The following VPS13B variants were observed in gnomAD, a reference collection of about 807,000 sequenced individuals.
The protein encoded by VPS13B is vacuolar protein sorting 13 homolog B.
VPS13B carries 285 observed loss-of-function variants against 426.4 expected under a neutral mutation model. The ratio of observed to expected loss-of-function variants is 0.67; its 90% CI spans 0.61 to 0.74. VPS13B has a LOEUF of 0.74. Ranked by LOEUF, VPS13B falls within the 30% of genes least tolerant of loss-of-function variation. The pLI, the probability that VPS13B is intolerant of heterozygous loss-of-function variation, is 0.00. For missense variants in VPS13B, 4,537 were observed against 4,782.6 expected (o/e 0.95, Z 1.51); for synonymous variants, 1,676 against 1,676.4 (o/e 1.00, Z 0.01).
chr8:99,491,679 A>AC (rs1347159736), intron 25 of VPS13B, among the ~76,000 whole-genome samples: 1 of 152,080 alleles, frequency 6.6e-6, no homozygotes, highest in African/African-American at 2.4e-5. Context: ...TGCATGCATC[A>AC]CGTAGTTCTC....
At chr8:99,604,144 G>A (rs1370553942) in intron 33 of VPS13B, among the ~76,000 whole-genome samples, 2 of 152,084 alleles carry the variant, frequency 1.3e-5, no homozygotes, top group Non-Finnish European at 2.9e-5. Flanking sequence ...TCGCTTAAGA[G>A]TTTACTAATT....
At position 99,853,570 on chromosome 8, in the gene VPS13B, T is replaced by G. The variant is rs568879276; in HGVS notation, c.10181T>G (p.Ile3394Ser). Reference protein sequence around the residue: ...AELLRLTLDNIFLCVAPGAGP... With the variant: ...AELLRLTLDNSFLCVAPGAGP... ...CTTCTGAGACTCACACTGGACAACA[T>G]TTTTCTCTGTGTGGCCCCGGGAGCT... Residue 3394 changes from isoleucine to serine, a missense_variant, in exon 56 of 62, where the codon ATT (isoleucine) becomes AGT (serine). Transcript: ENST00000357162. 22 of 1,614,178 alleles carry G rather than the reference T, an allele frequency of 1.4e-5. No homozygotes were observed. The African/African-American group carries it at 2.4e-4, about 18-fold the overall frequency.
At chr8:99,323,747 A>T (rs150440805) in intron 19 of VPS13B, among the ~76,000 whole-genome samples, 36 of 152,302 alleles carry the variant, frequency 2.4e-4, no homozygotes, top group African/African-American at 8.2e-4. Flanking sequence ...CTCTTCCCCA[A>T]TAAGGTTGTT....
chr8:99,156,491 C>A (rs1307268052), intron 14 of VPS13B, 58 bp from the exon 15 acceptor site: 26 of 1,565,420 alleles, frequency 1.7e-5, no homozygotes, highest in Non-Finnish European at 2.3e-5. Flanking sequence ...ATAGAGGGAA[C>A]TGCAACTCAG....
chr8:99,604,507 T>G (rs1317860845), intron 33 of VPS13B, among the ~76,000 whole-genome samples: 2 of 143,666 alleles, frequency 1.4e-5, no homozygotes, highest in African/African-American at 5.1e-5. Flanking sequence ...TTTTTTTTTT[T>G]TTTTTTTTTT....
At chr8:99,773,986 G>A (rs1467518035) in intron 40 of VPS13B, among the ~76,000 whole-genome samples, 5 of 152,128 alleles carry the variant, frequency 3.3e-5, no homozygotes, top group African/African-American at 1.2e-4. Flanking sequence ...CAAGTCTCTA[G>A]CAGGGTCATC....
At chr8:99,187,582 C>A (rs1813289109) in intron 16 of VPS13B, among the ~76,000 whole-genome samples, 1 of 152,178 alleles carries the variant, frequency 6.6e-6, no homozygotes, top group South Asian at 2.1e-4. Flanking sequence ...GGTAGTGTCA[C>A]ATGTTGCTAT....
At chr8:99,018,664 T>A (rs1011927017) in intron 2 of VPS13B, among the ~76,000 whole-genome samples, 3 of 152,214 alleles carry the variant, frequency 2.0e-5, no homozygotes, top group Non-Finnish European at 4.4e-5. Flanking sequence ...AGAATAGACA[T>A]CCTTTTTTGT....
chr8:99,060,541 G>A (rs893294278), intron 3 of VPS13B, among the ~76,000 whole-genome samples: 1 of 150,030 alleles, frequency 6.7e-6, no homozygotes, highest in Non-Finnish European at 1.5e-5. Flanking sequence ...CCTAGGAGGC[G>A]GATTTTGCAG....
intron 61 of VPS13B, among the ~76,000 whole-genome samples, 155 bp from the exon 62 acceptor site, chr8:99,875,263 T>A (rs1442535866): frequency 6.6e-6 from 1 of 152,214 alleles, no homozygotes; most frequent in Admixed American, 6.5e-5. Context: ...ATCGTTGCCA[T>A]ATCTCAGAGG....
At chr8:99,779,247 T>C (rs1811893544) in intron 42 of VPS13B, among the ~76,000 whole-genome samples, 1 of 152,228 alleles carries the variant, frequency 6.6e-6, no homozygotes, top group African/African-American at 2.4e-5. Flanking sequence ...TACACATGCA[T>C]TGGAGATCAT....
At chr8:99,406,439 T>C (rs1396127490) in intron 21 of VPS13B, among the ~76,000 whole-genome samples, 1 of 152,208 alleles carries the variant, frequency 6.6e-6, no homozygotes, top group Non-Finnish European at 1.5e-5. Flanking sequence ...ACCCCTGTTC[T>C]TTAATTGATT....
intron 4 of VPS13B, among the ~76,000 whole-genome samples, chr8:99,102,484 C>T (rs1357883283): frequency 6.6e-6 from 1 of 151,980 alleles, no homozygotes; most frequent in African/African-American, 2.4e-5. Flanking sequence ...ATTTTTATGG[C>T]TAAACTAGGA....
At chr8:99,633,509 G>T (rs567873303) in intron 33 of VPS13B, among the ~76,000 whole-genome samples, 1 of 152,098 alleles carries the variant, frequency 6.6e-6, no homozygotes, top group Admixed American at 6.6e-5. Context: ...GTCAGTCTCT[G>T]AGTCAAATTC....
At chr8:99,222,623 A>G (rs1002289867) in intron 17 of VPS13B, among the ~76,000 whole-genome samples, 1 of 152,210 alleles carries the variant, frequency 6.6e-6, no homozygotes, top group Admixed American at 6.5e-5. Context: ...TGGATTTTAA[A>G]AACTCGAACA....
At chr8:99,697,594 G>T in intron 35 of VPS13B, 1 of 660,390 alleles carries the variant, frequency 1.5e-6, no homozygotes, top group South Asian at 1.7e-5. Context: ...AACTCTCAAA[G>T]ACTGGTAGGT....
At chr8:99,835,158 T>TC in intron 52 of VPS13B, 39 bp from the exon 53 acceptor site, 4 of 1,613,572 alleles carry the variant, frequency 2.5e-6, no homozygotes, top group Non-Finnish European at 3.4e-6. Flanking sequence ...TCATTTTTTT[T>TC]CCTAAACATT....
chr8:99,474,284 G>T lies in VPS13B; in HGVS notation c.3666+6650G>T, dbSNP rs1819577876. ...GCTCACTGCAACCTCCTCCTCGCAG[G>T]TTCAAGCGATTCTCCTGCCTTAGCT... On this transcript the variant is annotated intron_variant, in intron 24 of 61. Coordinates refer to ENST00000357162, the MANE Select transcript of VPS13B (RefSeq NM_152564.5). Among the ~76,000 whole-genome samples, 3 of 150,446 alleles carry T rather than the reference G, an allele frequency of 2.0e-5. No individual in the cohort carries two copies. The East Asian group carries it at 5.9e-4, about 30-fold the overall frequency.
chr8:99,786,883 A>G lies in VPS13B; in HGVS notation c.7941+2407A>G, dbSNP rs993564985. ...CTTCATGGGATTCCTTACATTCATTACATTCACAGTTGAAAATTCTGCTGT... is the reference window on the plus strand; with the variant it reads ...CTTCATGGGATTCCTTACATTCATTGCATTCACAGTTGAAAATTCTGCTGT... On this transcript the variant is annotated intron_variant, in intron 43 of 61. Transcript: ENST00000357162. 7.2e-5 allele frequency among the ~76,000 whole-genome samples: 11 copies of G among 152,274 alleles called. No homozygotes were observed. The South Asian group carries it at 8.3e-4, about 11-fold the overall frequency.
Sources: gnomAD v4.1 joint callset for allele counts (sites outside exome capture counted in the v4.1 genomes callset) on GRCh38, gnomAD v4.1.1 for gene constraint, MANE v1.5 for transcripts, NCBI Gene and HGNC (gene_info 2026-07-23, HGNC 2026-07-21) for gene names.